TPGS2: variants seen among roughly 807,000 people sequenced by gnomAD.
The protein encoded by TPGS2 is tubulin polyglutamylase complex subunit 2.
TPGS2 carries 26 observed loss-of-function variants against 31.1 expected under a neutral mutation model. That is an observed-to-expected ratio of 0.84 (90% CI 0.61 to 1.16). TPGS2 has a LOEUF of 1.16. Among genes scored for constraint, TPGS2 ranks in the 50% most tolerant of loss-of-function variants. The pLI is 0.00. For synonymous variants in TPGS2, 130 were observed against 136.6 expected (o/e 0.95, Z 0.34); for missense variants, 351 against 363.8 (o/e 0.96, Z 0.29).
At chr18:36,825,496 T>A (rs1247068337) in intron 1 of TPGS2, among the ~76,000 whole-genome samples, 2 of 151,588 alleles carry the variant, frequency 1.3e-5, no homozygotes, top group East Asian at 3.9e-4. Context: ...GGACTCTCAA[T>A]CTTATTTCAT....
At chr18:36,813,347 T>A (rs1356214034) in intron 2 of TPGS2, among the ~76,000 whole-genome samples, 3 of 152,046 alleles carry the variant, frequency 2.0e-5, no homozygotes, top group African/African-American at 7.2e-5. Flanking sequence ...CCAAGTGAGA[T>A]GAAGTAAGTC....
At chr18:36,803,949 C>T (rs555745983) in intron 4 of TPGS2, among the ~76,000 whole-genome samples, 310 of 151,920 alleles carry the variant, frequency 2.0e-3, no homozygotes, top group Non-Finnish European at 3.4e-3. Context: ...AGTGTGGTGG[C>T]TATTCACAGG....
chr18:36,803,317 C>CTGT (rs2044931558), intron 4 of TPGS2, among the ~76,000 whole-genome samples: 1 of 152,172 alleles, frequency 6.6e-6, no homozygotes, highest in Non-Finnish European at 1.5e-5. Flanking sequence ...CACTGCTGAT[C>CTGT]TGTTACCTGT....
downstream of TPGS2, chr18:36,789,317 C>T (rs964629415): frequency 9.2e-5 from 14 of 152,160 alleles, no homozygotes; most frequent in African/African-American, 2.7e-4. Flanking sequence ...ACAAGCCGTG[C>T]TTGCTCTAAC....
intron 1 of TPGS2, 151 bp downstream of exon 1, chr18:36,828,532 C>T (rs980980196): frequency 2.6e-5 from 21 of 813,218 alleles, no homozygotes; most frequent in Non-Finnish European, 3.9e-5. Context: ...AAACCCAGGT[C>T]CCCCACTTTC....
At chr18:36,800,174 A>T in intron 5 of TPGS2, 24 bp downstream of exon 5, 2 of 1,606,404 alleles carry the variant, frequency 1.2e-6, no homozygotes, top group South Asian at 2.2e-5. Flanking sequence ...AAACTACGGG[A>T]CCACGCTTGT....
chr18:36,806,079 C>A (rs1228208090), intron 3 of TPGS2: 1 of 152,136 alleles, frequency 6.6e-6, no homozygotes, highest in Non-Finnish European at 1.5e-5. Flanking sequence ...TCCATGTTTT[C>A]TTTATTTGCT....
intron 5 of TPGS2, 27 bp from the exon 6 acceptor site, chr18:36,798,636 A>G: frequency 1.2e-6 from 2 of 1,607,348 alleles, no homozygotes; most frequent in Non-Finnish European, 1.7e-6. Flanking sequence ...AGGAAGTAAA[A>G]GATAAAGAAT....
At chr18:36,814,381 G>GA (rs2045563010) in intron 2 of TPGS2, among the ~76,000 whole-genome samples, 1 of 152,014 alleles carries the variant, frequency 6.6e-6, no homozygotes, top group African/African-American at 2.4e-5. Context: ...TATTTAAGAA[G>GA]AAAAAATGGT....
In TPGS2 at chr18:36,796,707, G is replaced by T. The variant is rs1037545864; in HGVS notation, c.*98C>A. On this transcript the variant is annotated 3_prime_UTR_variant, in exon 7 of 7. Coordinates refer to ENST00000334295, the MANE Select transcript of TPGS2 (RefSeq NM_015476.4). ...ATTTTGGTCATTCAACTAGAAAGAG[G>T]CCTACGGTCCACACGCAAAACTGGA... The T allele has an allele frequency of 2.7e-6, 4 of 1,493,876 alleles. No individual in the cohort carries two copies. The East Asian group carries it at 9.8e-5, about 36-fold the overall frequency. 92.5% of individuals were successfully genotyped at this position (1,493,876 alleles called of 1,614,324 possible). A position where few individuals can be genotyped will look rare whatever the true frequency, so the allele number is the denominator to read the frequency against.
chr18:36,823,460 G>GTTTGTTTTTTTTTT (rs2045983551), intron 1 of TPGS2, among the ~76,000 whole-genome samples: 1 of 108,110 alleles, frequency 9.2e-6, no homozygotes, highest in Non-Finnish European at 1.8e-5. Flanking sequence ...TTAACAGCTT[G>GTTTGTTTTTTTTTT]TTTTTTTTTT....
At chr18:36,787,200 G>A in intron 6 of TPGS2, 1 of 1,075,176 alleles carries the variant, frequency 9.3e-7, no homozygotes, top group African/African-American at 1.6e-5. Context: ...AGGGGGCCTT[G>A]TGTTCCTCTG....
rs2044497803 is a variant in TPGS2, at chr18:36,795,759, C to CT, written c.*1045_*1046insA. The CT allele has an allele frequency of 1.0e-6, 1 of 985,264 alleles. No individual in the cohort carries two copies. Among genetic ancestry groups the CT allele is most frequent in the Non-Finnish European group, 1.2e-6 (1 of 829,936 alleles). The allele number at this position is 985,264 out of a possible 1,614,324, so 61.0% of individuals were successfully genotyped here. On this transcript the variant is annotated 3_prime_UTR_variant, in exon 7 of 7. Transcript: ENST00000334295. ...TTCCAAAGGAACTCTTGGAAGCCCA[C>CT]CCTGTTCTAAGCAGGAGACTGCTTG...
Position 36,796,811 on chromosome 18 carries a change from C to G in TPGS2, c.897G>C (p.Arg299=). The change falls in exon 7 of 7, where the codon CGG becomes CGC. Residue 299 remains arginine (R), a synonymous_variant. Transcript: ENST00000334295. The part of the protein sequence containing the change: ...KSSSGSGNPT[R]K ...GAGTTGGAGGGAGGGGTGCTCACTT[C>G]CGGGTGGGGTTTCCAGAGCCAGAGG... The G allele has an allele frequency of 6.3e-7, 1 of 1,594,684 alleles. No homozygotes were observed. The highest frequency in any genetic ancestry group is 1.2e-5 in the South Asian group (1 of 86,708).
intron 3 of TPGS2, chr18:36,807,580 A>G (rs1032047966): frequency 2.1e-6 from 1 of 471,314 alleles, no homozygotes; most frequent in African/African-American, 2.0e-5. Context: ...TGTAGTAATT[A>G]ATGGTTTTCT....
intron 6 of TPGS2, 89 bp downstream of exon 6, chr18:36,798,360 T>A (rs561965691): frequency 3.2e-6 from 5 of 1,586,674 alleles, no homozygotes; most frequent in Non-Finnish European, 4.3e-6. Flanking sequence ...CTGAATCAGA[T>A]AGGGAAGTTG....
At position 36,823,090 on chromosome 18, in the gene TPGS2, C is replaced by T. The variant is rs145464753; in HGVS notation, c.86-4117G>A. ...ATTACCATGAATTAGCAGCTTTAAACAACACCCTTTTATTAAGTCATGGTT... is the reference window on the plus strand; with the variant it reads ...ATTACCATGAATTAGCAGCTTTAAATAACACCCTTTTATTAAGTCATGGTT... On this transcript the variant is annotated intron_variant, in intron 1 of 6. Transcript: ENST00000334295. 3.0e-4 allele frequency among the ~76,000 whole-genome samples: 46 copies of T among 152,288 alleles called. No individual in the cohort carries two copies. In the East Asian group the frequency reaches 8.1e-3, roughly 27 times the overall value.
chr18:36,819,793 A>C (rs2045816893), intron 1 of TPGS2, among the ~76,000 whole-genome samples: 1 of 152,218 alleles, frequency 6.6e-6, no homozygotes, highest in South Asian at 2.1e-4. Flanking sequence ...GTACCTCAGA[A>C]TATGACCTTA....
intron 5 of TPGS2, among the ~76,000 whole-genome samples, chr18:36,799,724 G>A (rs1246928889): frequency 6.6e-6 from 1 of 152,142 alleles, no homozygotes; most frequent in Non-Finnish European, 1.5e-5. Flanking sequence ...TCCCTAGGCT[G>A]GGGTCTGAAG....
Sources: gnomAD v4.1 joint callset for allele counts (sites outside exome capture counted in the v4.1 genomes callset) on GRCh38, gnomAD v4.1.1 for gene constraint, MANE v1.5 for transcripts, NCBI Gene and HGNC (gene_info 2026-07-23, HGNC 2026-07-21) for gene names.